The following CUX2 variants were observed in gnomAD, a reference collection of about 807,000 sequenced individuals.
CUX2 encodes homeobox protein cut-like 2.
Under a neutral mutation model 144.8 loss-of-function variants are expected in CUX2, and 40 were observed. The observed-to-expected ratio is 0.28, with a 90% CI of 0.21 to 0.36. The LOEUF (loss-of-function observed/expected upper bound fraction) is 0.36. Among genes scored for constraint, CUX2 ranks in the 10% least tolerant of loss-of-function variants. CUX2 has a pLI of 1.00. For synonymous variants in CUX2, 827 were observed against 875.6 expected, an observed-to-expected ratio of 0.94 and a Z score of 0.98; for missense variants, 1,615 against 1,994.0, an observed-to-expected ratio of 0.81 and a Z score of 3.62.
chr12:111,040,083 T>C (rs1869663091), intron 1 of CUX2, among the ~76,000 whole-genome samples: 1 of 151,922 alleles, frequency 6.6e-6, no homozygotes, highest in Non-Finnish European at 1.5e-5. Context: ...GGCCAGGAGT[T>C]TGAGACCAGC....
intron 1 of CUX2, among the ~76,000 whole-genome samples, chr12:111,211,788 G>A (rs536228625): frequency 1.3e-4 from 20 of 152,010 alleles, no homozygotes; most frequent in African/African-American, 4.6e-4. Flanking sequence ...GGGAGGCTGG[G>A]AGGCAGGAGA....
At chr12:111,305,366 A>C (rs1274503646) in intron 10 of CUX2, among the ~76,000 whole-genome samples, 1 of 152,180 alleles carries the variant, frequency 6.6e-6, no homozygotes. Flanking sequence ...ATACAGGCCC[A>C]GGTGTCTATG....
chr12:111,099,054 A>G (rs1873022349), intron 1 of CUX2, among the ~76,000 whole-genome samples: 1 of 152,198 alleles, frequency 6.6e-6, no homozygotes, highest in African/African-American at 2.4e-5. Flanking sequence ...AAGGCCAAGG[A>G]AGTCTCCCAG....
intron 1 of CUX2, among the ~76,000 whole-genome samples, chr12:111,042,297 G>A (rs1047048511): frequency 6.6e-6 from 1 of 152,194 alleles, no homozygotes; most frequent in African/African-American, 2.4e-5. Flanking sequence ...GGGTCACAGG[G>A]GCCGCCAGTC....
chr12:111,296,318 G>A (rs1376496680), intron 7 of CUX2, among the ~76,000 whole-genome samples, 155 bp from the exon 8 acceptor site: 1 of 152,250 alleles, frequency 6.6e-6, no homozygotes, highest in African/African-American at 2.4e-5. Context: ...CTCACTCACC[G>A]TCACCAGTTC....
chr12:111,115,326 C>T (rs1284753060), intron 1 of CUX2, among the ~76,000 whole-genome samples: 1 of 139,044 alleles, frequency 7.2e-6, no homozygotes, highest in Non-Finnish European at 1.5e-5. Flanking sequence ...TGCTCTGTCG[C>T]CCAGGCTAGA....
chr12:111,135,963 T>G (rs988134989), intron 1 of CUX2, among the ~76,000 whole-genome samples: 1 of 152,196 alleles, frequency 6.6e-6, no homozygotes, highest in African/African-American at 2.4e-5. Context: ...GATATTAATA[T>G]GCACTCCTAC....
Position 111,320,716 on chromosome 12 carries a change from C to T in CUX2, c.2707C>T (p.Arg903Cys), listed in dbSNP as rs775935372. 6.3e-7 allele frequency: 1 copy of T among 1,589,606 alleles called. No individual in the cohort carries two copies. Among genetic ancestry groups the T allele is most frequent in the South Asian group, 1.1e-5 (1 of 90,056 alleles). ...YREVDTLELT[R>C]QVKEKLAKNG... ...TGAGGTAGACACGCTGGAGCTCACCCGCCAGGTCAAGGAGAAGCTGGCCAA... is the reference window on the plus strand; with the variant it reads ...TGAGGTAGACACGCTGGAGCTCACCTGCCAGGTCAAGGAGAAGCTGGCCAA... The change falls in exon 17 of 22, where the codon CGC (arginine) becomes TGC (cysteine). Residue 903 changes from arginine to cysteine, a missense_variant. Coordinates refer to ENST00000261726, the MANE Select transcript of CUX2 (RefSeq NM_015267.4). The surrounding 1 kb of genome is among the most constrained non-coding windows in gnomAD (Gnocchi z 8.1).
chr12:111,199,690 C>T (rs1880453784), intron 1 of CUX2, among the ~76,000 whole-genome samples: 1 of 151,980 alleles, frequency 6.6e-6, no homozygotes, highest in Non-Finnish European at 1.5e-5. Context: ...CGTCTGGGTG[C>T]ATCTGTGTAT....
At chr12:111,275,643 G>A (rs1302710412) in intron 4 of CUX2, among the ~76,000 whole-genome samples, 1 of 152,152 alleles carries the variant, frequency 6.6e-6, no homozygotes, top group Non-Finnish European at 1.5e-5. Context: ...TTTAGAGGTC[G>A]GGGGCTTGGC....
At chr12:111,122,847 C>G (rs1874774066) in intron 1 of CUX2, among the ~76,000 whole-genome samples, 1 of 152,112 alleles carries the variant, frequency 6.6e-6, no homozygotes, top group African/African-American at 2.4e-5. Flanking sequence ...GGGGACTGAC[C>G]CACCCCGCCC....
At chr12:111,211,712 T>A (rs1207596664) in intron 1 of CUX2, among the ~76,000 whole-genome samples, 1 of 152,006 alleles carries the variant, frequency 6.6e-6, no homozygotes, top group Non-Finnish European at 1.5e-5. Context: ...GGTGAAACCC[T>A]GTCTCTACTA....
intron 3 of CUX2, among the ~76,000 whole-genome samples, chr12:111,229,671 G>A (rs1481812473): frequency 2.0e-5 from 3 of 152,116 alleles, no homozygotes; most frequent in African/African-American, 7.2e-5. Flanking sequence ...GGAGGCTGAG[G>A]TGGAAGGATT....
intron 1 of CUX2, among the ~76,000 whole-genome samples, chr12:111,120,786 A>G (rs534660414): frequency 8.0e-4 from 121 of 152,194 alleles, no homozygotes; most frequent in African/African-American, 2.8e-3. Flanking sequence ...TTGATTTGCA[A>G]TTTGAGATAA....
chr12:111,230,892 A>G (rs527937715), intron 3 of CUX2, among the ~76,000 whole-genome samples: 2 of 152,298 alleles, frequency 1.3e-5, no homozygotes, highest in East Asian at 3.9e-4. Flanking sequence ...CTGGGAAGAG[A>G]TGTGCAGAAC....
intron 1 of CUX2, among the ~76,000 whole-genome samples, chr12:111,204,572 G>A (rs138192392): frequency 1.3e-5 from 2 of 152,316 alleles, no homozygotes; most frequent in East Asian, 3.9e-4. Flanking sequence ...AAATCAGAAA[G>A]TTATAGGTTC....
rs568440709 is a variant in CUX2 at position 111,085,279 on chromosome 12, G to T, written c.63+51039G>T. ...CATGGGCAGCTTAACATCAGCCAAG[G>T]TGGAAGAATTTACCCCATGGAAATT... is the stretch of plus-strand genomic sequence containing the variant. On this transcript the variant is annotated intron_variant, in intron 1 of 21. Transcript: ENST00000261726. 5.9e-5 allele frequency among the ~76,000 whole-genome samples: 9 copies of T among 152,290 alleles called. No individual in the cohort carries two copies. The East Asian group carries it at 1.7e-3, about 29-fold the overall frequency.
At chr12:111,078,537 G>T (rs913713827) in intron 1 of CUX2, among the ~76,000 whole-genome samples, 5 of 152,164 alleles carry the variant, frequency 3.3e-5, no homozygotes, top group Non-Finnish European at 5.9e-5. Context: ...GGATGTGGTG[G>T]CATGCACTTG....
In CUX2 at chr12:111,059,174, G is replaced by A. The variant is rs1256907550; in HGVS notation, c.63+24934G>A. Among the ~76,000 whole-genome samples, 6 of 152,128 alleles carry A rather than the reference G, an allele frequency of 3.9e-5. No individual in the cohort carries two copies. The highest frequency in any genetic ancestry group is 7.2e-5 in the African/African-American group (3 of 41,410). On this transcript the variant is annotated intron_variant, in intron 1 of 21. Transcript: ENST00000261726. This position sits in a 1 kb window ranked among gnomAD's most constrained non-coding sequence, Gnocchi z 5.3. ...TCCAGCCCTCACTCAAAATGGAGTC[G>A]CTCTGGTTCAAATGTCTCTGACAGT...
Sources: gnomAD v4.1 joint callset for allele counts (sites outside exome capture counted in the v4.1 genomes callset) on GRCh38, gnomAD v4.1.1 for gene constraint, Gnocchi (gnomAD v3.1) non-coding constraint, MANE v1.5 for transcripts, NCBI Gene and HGNC (gene_info 2026-07-23, HGNC 2026-07-21) for gene names.